The following MPP7 variants were observed in gnomAD, a reference collection of about 807,000 sequenced individuals.
The protein encoded by MPP7 is MAGUK p55 scaffold protein 7, also known as MAGUK p55 subfamily member 7.
Under a neutral mutation model 76.5 loss-of-function variants are expected in MPP7, and 60 were observed. The ratio of observed to expected loss-of-function variants is 0.78; its 90% CI spans 0.64 to 0.97. The LOEUF is 0.97. Ranked by LOEUF, MPP7 falls within the 50% of genes least tolerant of loss-of-function variation. MPP7 has a pLI of 0.00. For synonymous variants in MPP7, 237 were observed against 244.5 expected (o/e 0.97, Z 0.29); for missense variants, 641 against 694.0 (o/e 0.92, Z 0.86).
At chr10:28,214,593 G>A (rs73608072) in intron 2 of MPP7, among the ~76,000 whole-genome samples, 1,995 of 152,234 alleles carry the variant, frequency 0.013, 44 homozygotes, top group African/African-American at 0.045. Flanking sequence ...ATGCCGTGAC[G>A]ATGAAACCGC....
At chr10:28,077,651 G>A (rs1394005005) in intron 12 of MPP7, among the ~76,000 whole-genome samples, 1 of 152,192 alleles carries the variant, frequency 6.6e-6, no homozygotes, top group East Asian at 1.9e-4. Flanking sequence ...GATGCAAACT[G>A]AGTTAGGTTT....
At position 28,215,784 on chromosome 10, in the gene MPP7, G is replaced by A. The variant is rs79396973; in HGVS notation, c.38-13513C>T. ...GCTAACCTTACAGAATTGTTATAAG[G>A]GTTAAATGAGTTATTTGTAAAGCTT... On this transcript the variant is annotated intron_variant, in intron 2 of 16. Transcript: ENST00000683449. 4.4e-3 allele frequency among the ~76,000 whole-genome samples: 673 copies of A among 152,208 alleles called. 8 individuals are homozygous for A. Among genetic ancestry groups the A allele is most frequent in the African/African-American group, 0.015 (632 of 41,516 alleles).
At chr10:28,218,240 G>T (rs1482623871) in intron 2 of MPP7, among the ~76,000 whole-genome samples, 2 of 152,168 alleles carry the variant, frequency 1.3e-5, no homozygotes, top group East Asian at 1.9e-4. Flanking sequence ...GGAGTCGGGG[G>T]TAGGGCAGCG....
chr10:28,166,214 A>G (rs1233327765), intron 3 of MPP7, among the ~76,000 whole-genome samples: 1 of 151,866 alleles, frequency 6.6e-6, no homozygotes, highest in African/African-American at 2.4e-5. Context: ...TCAGTACATA[A>G]AAGAGCATGT....
At chr10:28,228,545 C>A in intron 2 of MPP7, among the ~76,000 whole-genome samples, 1 of 152,138 alleles carries the variant, frequency 6.6e-6, no homozygotes, top group East Asian at 1.9e-4. Context: ...GTGGGCAAAT[C>A]ACCTGAGGTC....
chr10:28,135,818 T>C (rs1463047564), intron 5 of MPP7, among the ~76,000 whole-genome samples: 1 of 152,194 alleles, frequency 6.6e-6, no homozygotes, highest in East Asian at 1.9e-4. Context: ...GTAATTTAAC[T>C]GTATAACAAA....
At chr10:28,138,002 C>A (rs184293938) in intron 5 of MPP7, among the ~76,000 whole-genome samples, 15 of 152,326 alleles carry the variant, frequency 9.8e-5, no homozygotes, top group Admixed American at 3.3e-4. Flanking sequence ...CTTTTTCCTT[C>A]AGCTTGCTTT....
At chr10:28,240,303 T>C (rs576176956) in intron 1 of MPP7, among the ~76,000 whole-genome samples, 4 of 152,302 alleles carry the variant, frequency 2.6e-5, no homozygotes, top group African/African-American at 4.8e-5. Context: ...CTGATTCAAA[T>C]TGCAGAATAA....
chr10:28,140,015 A>G (rs1835462328), intron 5 of MPP7, among the ~76,000 whole-genome samples: 8 of 152,212 alleles, frequency 5.3e-5, no homozygotes, highest in Admixed American at 5.2e-4. Context: ...AAACAACCTC[A>G]CAAATTTAAA....
At chr10:28,162,339 T>C (rs550704191) in intron 3 of MPP7, among the ~76,000 whole-genome samples, 13 of 151,950 alleles carry the variant, frequency 8.6e-5, no homozygotes, top group Non-Finnish European at 1.0e-4. Context: ...CCAAATAATA[T>C]ACAGTACAAA....
At chr10:28,278,593 C>G (rs1840573452) in intron 1 of MPP7, among the ~76,000 whole-genome samples, 4 of 151,640 alleles carry the variant, frequency 2.6e-5, no homozygotes, top group Non-Finnish European at 4.4e-5. Flanking sequence ...TTTTTAAAAG[C>G]AAGTAACAGA....
chr10:28,333,234 T>C (rs1254072788), intron 1 of MPP7, among the ~76,000 whole-genome samples: 1 of 152,190 alleles, frequency 6.6e-6, no homozygotes, highest in Non-Finnish European at 1.5e-5. Context: ...AACCTCCGCC[T>C]CCCTGGTTCA....
intron 13 of MPP7, among the ~76,000 whole-genome samples, chr10:28,064,602 C>A (rs1851920388): frequency 6.6e-6 from 1 of 152,080 alleles, no homozygotes; most frequent in Admixed American, 6.6e-5. Flanking sequence ...CCAATTACAT[C>A]TTGATGTTAT....
At chr10:28,186,620 C>T (rs1356750506) in intron 3 of MPP7, among the ~76,000 whole-genome samples, 2 of 152,226 alleles carry the variant, frequency 1.3e-5, no homozygotes, top group African/African-American at 4.8e-5. Context: ...CAGGACCACA[C>T]TGCACTGCCC....
At chr10:28,075,179 G>A (rs1852429665) in intron 12 of MPP7, among the ~76,000 whole-genome samples, 1 of 152,064 alleles carries the variant, frequency 6.6e-6, no homozygotes. Flanking sequence ...ACAGTACCAA[G>A]GGGAAAATCT....
intron 3 of MPP7, among the ~76,000 whole-genome samples, chr10:28,172,862 T>G (rs1322337372): frequency 1.3e-5 from 2 of 152,128 alleles, no homozygotes; most frequent in African/African-American, 4.8e-5. Context: ...GTTGAATGAG[T>G]GAAAGAATAT....
In MPP7 at chr10:28,241,605, T is replaced by A. The variant is rs188892885; in HGVS notation, c.-131-2870A>T. Reference sequence around the variant, plus strand: ...GCCATAATTATTACTGACTGTTGTATGGAATCGATTTACTACAACACAAAA... The same window carrying A: ...GCCATAATTATTACTGACTGTTGTAAGGAATCGATTTACTACAACACAAAA... On this transcript the variant is annotated intron_variant, in intron 1 of 16. Transcript: ENST00000683449. 2.8e-3 allele frequency among the ~76,000 whole-genome samples: 428 copies of A among 152,028 alleles called. 4 individuals carry two copies. Among genetic ancestry groups the A allele is most frequent in the African/African-American group, 1.0e-2 (412 of 41,388 alleles).
chr10:28,089,889 G>C, intron 11 of MPP7, 48 bp from the exon 12 acceptor site: 4 of 913,302 alleles, frequency 4.4e-6, no homozygotes, highest in East Asian at 2.7e-5. Context: ...AACCAAAAAA[G>C]AAACCCTCAA....
chr10:28,090,891 C>T (rs950135158), intron 11 of MPP7, among the ~76,000 whole-genome samples: 2 of 152,056 alleles, frequency 1.3e-5, no homozygotes, highest in African/African-American at 2.4e-5. Context: ...GCCTATAATC[C>T]CAGCACTTTG....
Sources: gnomAD v4.1 joint callset for allele counts (sites outside exome capture counted in the v4.1 genomes callset) on GRCh38, gnomAD v4.1.1 for gene constraint, MANE v1.5 for transcripts, NCBI Gene and HGNC (gene_info 2026-07-23, HGNC 2026-07-21) for gene names.